LDLRAD4: variants seen among roughly 807,000 people sequenced by gnomAD.
The protein encoded by LDLRAD4 is low-density lipoprotein receptor class A domain-containing protein 4.
In LDLRAD4, 5 loss-of-function variants were observed where a neutral mutation model predicts 17.0. The observed-to-expected ratio is 0.29, with a 90% CI of 0.15 to 0.62. The LOEUF (loss-of-function observed/expected upper bound fraction) is 0.62. Among genes scored for constraint, LDLRAD4 ranks in the 20% least tolerant of loss-of-function variants. The probability of loss-of-function intolerance (pLI) is 0.84; values close to 1 mark genes in which losing one functional copy is unlikely to be tolerated. For missense variants in LDLRAD4, 340 were observed against 424.7 expected, an observed-to-expected ratio of 0.80 and a Z score of 1.75; for synonymous variants, 168 against 171.8, an observed-to-expected ratio of 0.98 and a Z score of 0.17.
chr18:13,366,231 A>G (rs9957334), intron 1 of LDLRAD4: 66,206 of 151,934 alleles, frequency 0.44, 16,044 homozygotes, highest in African/African-American at 0.66. Context: ...GAGCCACCAC[A>G]CCTTGTCCGA....
chr18:13,322,303 TTTTTTTTTG>T (rs1325520061), intron 1 of LDLRAD4, among the ~76,000 whole-genome samples: 3 of 145,848 alleles, frequency 2.1e-5, no homozygotes, highest in Admixed American at 6.8e-5. Flanking sequence ...TTTTTTTTTT[TTTTTTTTTG>T]GTTTTGAGAC....
In LDLRAD4 at chr18:13,489,277, C is replaced by T. The variant is rs2093309460; in HGVS notation, c.181+50893C>T. On this transcript the variant is annotated intron_variant, in intron 3 of 5. Transcript: ENST00000359446. ...TCAAGCAATTCTCCTGCCTCAGCCT[C>T]CCAAGTAGCTGGGATTATAGGCACA... The T allele has an allele frequency of 2.0e-5, 3 of 152,066 alleles. No individual in the cohort carries two copies. In the South Asian group the frequency reaches 6.2e-4, roughly 32 times the overall value. The allele number at this position is 152,066 out of a possible 1,614,324, so 9.4% of individuals were successfully genotyped here.
intron 1 of LDLRAD4, among the ~76,000 whole-genome samples, chr18:13,310,222 C>T (rs546472427): frequency 1.2e-3 from 180 of 149,986 alleles, no homozygotes; most frequent in Non-Finnish European, 1.8e-3. Flanking sequence ...TGGTGGTGTA[C>T]ACCTGTTGTC....
At chr18:13,294,096 A>C (rs1215405332) in intron 1 of LDLRAD4, among the ~76,000 whole-genome samples, 3 of 152,254 alleles carry the variant, frequency 2.0e-5, no homozygotes, top group African/African-American at 2.4e-5. Context: ...GACCTTGGCA[A>C]TGACCTTGAG....
intron 3 of LDLRAD4, among the ~76,000 whole-genome samples, chr18:13,559,057 C>T (rs1266772290): frequency 2.6e-5 from 4 of 152,204 alleles, no homozygotes; most frequent in East Asian, 1.9e-4. Context: ...ACCCCACTGG[C>T]TGCAAGACCA....
intron 1 of LDLRAD4, among the ~76,000 whole-genome samples, chr18:13,335,235 G>T (rs1241533048): frequency 6.6e-6 from 1 of 152,186 alleles, no homozygotes; most frequent in Non-Finnish European, 1.5e-5. Flanking sequence ...TTAGAGGGAA[G>T]CTTCTACCAT....
intron 1 of LDLRAD4, among the ~76,000 whole-genome samples, chr18:13,330,552 G>C (rs1380377440): frequency 6.6e-6 from 1 of 152,060 alleles, no homozygotes; most frequent in African/African-American, 2.4e-5. Flanking sequence ...TATTGCTACC[G>C]TAAATAGGAT....
chr18:13,395,429 C>T (rs1253683552), intron 2 of LDLRAD4, among the ~76,000 whole-genome samples: 1 of 87,862 alleles, frequency 1.1e-5, no homozygotes, highest in Non-Finnish European at 2.1e-5. Context: ...GCTCTGATGA[C>T]ATCACATGCA....
rs181315518 is a variant in LDLRAD4 at position 13,352,492 on chromosome 18, A to G, written c.-382-34849A>G. 1.3e-3 allele frequency among the ~76,000 whole-genome samples: 202 copies of G among 152,154 alleles called. 2 individuals carry two copies. The highest frequency in any genetic ancestry group is 8.1e-4 in the Non-Finnish European group (55 of 67,998). On this transcript the variant is annotated intron_variant, in intron 1 of 5. Transcript: ENST00000359446. ...GATTATCTTACTGGATATCTTTTGT[A>G]TATGATGGTTCACTTCTCTCAGTAC...
intron 1 of LDLRAD4, among the ~76,000 whole-genome samples, chr18:13,331,946 C>T (rs1275275170): frequency 6.6e-6 from 1 of 152,210 alleles, no homozygotes; most frequent in Admixed American, 6.5e-5. Flanking sequence ...AGTGATCTTC[C>T]TGCCTCAGCC....
At chr18:13,577,934 A>C (rs1045341300) in intron 3 of LDLRAD4, among the ~76,000 whole-genome samples, 1 of 152,154 alleles carries the variant, frequency 6.6e-6, no homozygotes, top group Non-Finnish European at 1.5e-5. Context: ...TCTAAAACTC[A>C]GCTCTGATTA....
chr18:13,438,377 C>A, exon 3 of LDLRAD4: 1 of 1,613,902 alleles, frequency 6.2e-7, no homozygotes, highest in Non-Finnish European at 8.5e-7. Flanking sequence ...CTCCGGGCAT[C>A]TTCAACTGTA....
At chr18:13,526,473 G>A (rs923593928) in intron 3 of LDLRAD4, 6 of 152,186 alleles carry the variant, frequency 3.9e-5, no homozygotes, top group Non-Finnish European at 8.8e-5. Context: ...CAATTAAAAA[G>A]TCTCTCACAT....
At chr18:13,539,273 G>A (rs1011717654) in intron 3 of LDLRAD4, among the ~76,000 whole-genome samples, 5 of 152,200 alleles carry the variant, frequency 3.3e-5, no homozygotes, top group Admixed American at 2.6e-4. Flanking sequence ...AAGGACCCAC[G>A]TCAGGGAGCA....
intron 1 of LDLRAD4, among the ~76,000 whole-genome samples, chr18:13,384,460 A>T (rs1012921985): frequency 1.3e-5 from 2 of 152,338 alleles, no homozygotes; most frequent in South Asian, 4.1e-4. Flanking sequence ...GAAATATGTG[A>T]TACTTTTTTT....
chr18:13,575,862 G>T (rs1032152959), intron 3 of LDLRAD4, among the ~76,000 whole-genome samples: 1 of 152,144 alleles, frequency 6.6e-6, no homozygotes, highest in African/African-American at 2.4e-5. Context: ...TTGGCCATTT[G>T]TATATCTTCT....
At chr18:13,478,404 G>A (rs958196804) in intron 3 of LDLRAD4, among the ~76,000 whole-genome samples, 3 of 152,188 alleles carry the variant, frequency 2.0e-5, no homozygotes, top group Admixed American at 6.5e-5. Flanking sequence ...CATCAACTGG[G>A]TTCTAGTTTG....
At chr18:13,612,403 C>T (rs1483429105) in intron 3 of LDLRAD4, 3 of 1,211,048 alleles carry the variant, frequency 2.5e-6, no homozygotes, top group South Asian at 2.3e-5. Flanking sequence ...GGCTTCCTGC[C>T]GCAGAGCTCC....
At chr18:13,269,307 T>C (rs2044390004) in intron 1 of LDLRAD4, among the ~76,000 whole-genome samples, 1 of 152,208 alleles carries the variant, frequency 6.6e-6, no homozygotes, top group South Asian at 2.1e-4. Flanking sequence ...AGTGGTCTCA[T>C]AGAGAAAATA....
Sources: gnomAD v4.1 joint callset for allele counts (sites outside exome capture counted in the v4.1 genomes callset) on GRCh38, gnomAD v4.1.1 for gene constraint, MANE v1.5 for transcripts, NCBI Gene and HGNC (gene_info 2026-07-23, HGNC 2026-07-21) for gene names.